Variants in KIDINS220 observed in about 807,000 individuals in gnomAD.
The protein encoded by KIDINS220 is kinase D interacting substrate 220, also known as kinase D-interacting substrate of 220 kDa.
Under a neutral mutation model 157.6 loss-of-function variants are expected in KIDINS220, and 63 were observed. That is an observed-to-expected ratio of 0.40 (90% CI 0.33 to 0.49). The LOEUF is 0.49. Among genes scored for constraint, KIDINS220 ranks in the 20% least tolerant of loss-of-function variants. The probability of loss-of-function intolerance (pLI) is 0.66; values close to 1 mark genes in which losing one functional copy is unlikely to be tolerated. For synonymous variants in KIDINS220, 732 were observed against 783.6 expected, an observed-to-expected ratio of 0.93 and a Z score of 1.10; for missense variants, 1,772 against 2,171.2, an observed-to-expected ratio of 0.82 and a Z score of 3.65.
intron 26 of KIDINS220, among the ~76,000 whole-genome samples, chr2:8,744,391 A>ATCTATC (rs1558328433): frequency 7.3e-5 from 2 of 27,296 alleles, no homozygotes; most frequent in Non-Finnish European, 1.1e-4. Context: ...AAAAAAAAAT[A>ATCTATC]TATATATATA....
At chr2:8,758,114 C>T (rs924120174) in intron 22 of KIDINS220, among the ~76,000 whole-genome samples, 3 of 152,182 alleles carry the variant, frequency 2.0e-5, no homozygotes, top group Non-Finnish European at 4.4e-5. Context: ...CTGCCTGCAT[C>T]GGCCTGCTAA....
chr2:8,800,508 C>T lies in KIDINS220; in HGVS notation c.802-10G>A, dbSNP rs1244244590. On this transcript the variant is annotated splice_polypyrimidine_tract_variant and intron_variant, in intron 8 of 29. Transcript: ENST00000256707. The stretch of plus-strand genomic sequence containing the variant: ...ACACAGTATCCCCACTCTAAGAAGA[C>T]AGAAAATAAAAACAAAAACAAGGTA... 5 of 1,577,904 alleles carry T rather than the reference C, an allele frequency of 3.2e-6. No individual in the cohort carries two copies. The highest frequency in any genetic ancestry group is 1.4e-5 in the African/African-American group (1 of 73,568).
intron 22 of KIDINS220, among the ~76,000 whole-genome samples, chr2:8,768,792 C>T (rs1669801258): frequency 6.6e-6 from 1 of 152,108 alleles, no homozygotes; most frequent in Admixed American, 6.6e-5. Context: ...ATTATTCTCA[C>T]ATACTTTAAT....
intron 21 of KIDINS220, among the ~76,000 whole-genome samples, chr2:8,774,957 T>C (rs1386114155): frequency 6.6e-6 from 1 of 152,088 alleles, no homozygotes; most frequent in Non-Finnish European, 1.5e-5. Flanking sequence ...CCATAATTAA[T>C]AAAGGTAGAA....
intron 1 of KIDINS220, among the ~76,000 whole-genome samples, chr2:8,836,819 A>G (rs991231537): frequency 2.6e-5 from 4 of 152,228 alleles, no homozygotes; most frequent in African/African-American, 9.6e-5. Flanking sequence ...ACAAGCGCCC[A>G]TAGGGAGCAG....
chr2:8,739,353 T>G (rs1396137874), intron 26 of KIDINS220, among the ~76,000 whole-genome samples: 4 of 152,200 alleles, frequency 2.6e-5, no homozygotes, highest in Non-Finnish European at 5.9e-5. Flanking sequence ...AGTCTGACCC[T>G]TATTATAAGT....
intron 17 of KIDINS220, among the ~76,000 whole-genome samples, chr2:8,780,850 A>C (rs1348324894): frequency 6.6e-6 from 1 of 151,964 alleles, no homozygotes; most frequent in African/African-American, 2.4e-5. Flanking sequence ...CATAAAAGAC[A>C]AAAAGAAGAG....
At position 8,772,553 on chromosome 2, in the gene KIDINS220, T is replaced by C. The variant is rs1318620878; in HGVS notation, c.2849-1721A>G. Among the ~76,000 whole-genome samples, 7 of 151,868 alleles carry C rather than the reference T, an allele frequency of 4.6e-5. No individual in the cohort carries two copies. In the East Asian group the frequency reaches 1.4e-3, roughly 29 times the overall value. On this transcript the variant is annotated intron_variant, in intron 21 of 29. Coordinates refer to ENST00000256707, the MANE Select transcript of KIDINS220 (RefSeq NM_020738.4). ...ATATATCTAGCCTATAATGAGTGAA[T>C]AAAAATAAATATTCTATCCTAAGAA...
chr2:8,789,371 T>TC (rs1261976942), intron 14 of KIDINS220, among the ~76,000 whole-genome samples: 1 of 127,758 alleles, frequency 7.8e-6, no homozygotes, highest in Non-Finnish European at 1.6e-5. Context: ...CACTGCAACC[T>TC]CCCCCTCCCA....
At chr2:8,796,989 C>G (rs528056991) in intron 10 of KIDINS220, 120 bp from the exon 11 acceptor site, 1 of 753,728 alleles carries the variant, frequency 1.3e-6, no homozygotes, top group South Asian at 1.6e-5. Flanking sequence ...AAAACCCTCT[C>G]AAGAAAACAT....
At chr2:8,807,757 C>T (rs1054991271) in intron 6 of KIDINS220, among the ~76,000 whole-genome samples, 3 of 152,074 alleles carry the variant, frequency 2.0e-5, no homozygotes, top group East Asian at 1.9e-4. Context: ...CCTCACAAAA[C>T]GAGGAAGAGA....
intron 17 of KIDINS220, among the ~76,000 whole-genome samples, chr2:8,782,534 A>C (rs1671855183): frequency 6.6e-6 from 1 of 152,232 alleles, no homozygotes; most frequent in African/African-American, 2.4e-5. Flanking sequence ...CATCAATAAT[A>C]ATTTTTCAAA....
Position 8,796,889 on chromosome 2 carries a change from C to T in KIDINS220, c.1000-20G>A, listed in dbSNP as rs201017376. 4.5e-6 allele frequency: 7 copies of T among 1,565,928 alleles called. No individual in the cohort carries two copies. Among genetic ancestry groups the T allele is most frequent in the East Asian group, 2.2e-5 (1 of 44,672 alleles). ...ACCATCCTGTGGGCACAAATAAGAA[C>T]ATTTGCCAGATTAATAGCTTGACTC... On this transcript the variant is annotated intron_variant, in intron 10 of 29. Coordinates refer to ENST00000256707, the MANE Select transcript of KIDINS220 (RefSeq NM_020738.4).
At position 8,729,517 on chromosome 2, in the gene KIDINS220, G is replaced by A; in HGVS notation, c.*1203C>T. ...TTTCTAGTCCACACAGTACTTCAAT[G>A]TGACCATTCTCTTAACTCGGCTAAT... On this transcript the variant is annotated 3_prime_UTR_variant, in exon 30 of 30. Transcript: ENST00000256707. The A allele has an allele frequency of 2.0e-6, 2 of 983,980 alleles. No individual in the cohort carries two copies. Among genetic ancestry groups the A allele is most frequent in the Non-Finnish European group, 1.2e-6 (1 of 828,628 alleles). The allele number at this position is 983,980 out of a possible 1,614,324, so 61.0% of individuals were successfully genotyped here.
intron 16 of KIDINS220, 21 bp downstream of exon 16, chr2:8,786,185 A>T: frequency 6.2e-7 from 1 of 1,613,074 alleles, no homozygotes; most frequent in Non-Finnish European, 8.5e-7. Context: ...ACACACAAAG[A>T]AGGAAGGAAG....
intron 2 of KIDINS220, among the ~76,000 whole-genome samples, chr2:8,825,089 T>C (rs1678548549): frequency 6.6e-6 from 1 of 152,136 alleles, no homozygotes; most frequent in Non-Finnish European, 1.5e-5. Flanking sequence ...AAAGTTCTGG[T>C]AGACCGGATG....
At chr2:8,724,995 C>T (rs1308395237), downstream of KIDINS220, 6 of 151,978 alleles carry the variant, frequency 3.9e-5, no homozygotes, top group South Asian at 4.2e-4. This position sits in a 1 kb window ranked among gnomAD's most constrained non-coding sequence, Gnocchi z 4.6. Flanking sequence ...AAAGATATCT[C>T]GAGGCTCTTT....
chr2:8,753,382 A>C (rs1179353072), intron 22 of KIDINS220, among the ~76,000 whole-genome samples: 1 of 152,212 alleles, frequency 6.6e-6, no homozygotes, highest in African/African-American at 2.4e-5. Context: ...TTTGCTGTGA[A>C]GTTAGGAATG....
intron 12 of KIDINS220, among the ~76,000 whole-genome samples, 194 bp downstream of exon 12, chr2:8,793,616 T>C (rs1328484775): frequency 6.6e-6 from 1 of 152,134 alleles, no homozygotes; most frequent in Non-Finnish European, 1.5e-5. Flanking sequence ...TTTTTAATCT[T>C]TTTGTGGAGA....
Sources: allele counts gnomAD v4.1 joint callset (sites outside exome capture counted in the v4.1 genomes callset), GRCh38; gene constraint gnomAD v4.1.1; non-coding constraint Gnocchi (gnomAD v3.1); transcripts MANE v1.5; gene names NCBI Gene and HGNC (gene_info 2026-07-23, HGNC 2026-07-21).